CACNA2D1: variants seen among roughly 807,000 people sequenced by gnomAD.
The protein encoded by CACNA2D1 is calcium voltage-gated channel auxiliary subunit alpha2delta 1, also known as voltage-dependent calcium channel subunit alpha-2/delta-1.
Under a neutral mutation model 171.5 loss-of-function variants are expected in CACNA2D1, and 53 were observed. The ratio of observed to expected loss-of-function variants is 0.31; its 90% CI spans 0.25 to 0.39. The LOEUF (loss-of-function observed/expected upper bound fraction) is 0.39, where lower values mean the gene tolerates loss of function less well. Ranked by LOEUF, CACNA2D1 falls within the 10% of genes least tolerant of loss-of-function variation. CACNA2D1 has a pLI of 1.00. For missense variants in CACNA2D1, 903 were observed against 1,299.8 expected, an observed-to-expected ratio of 0.69 and a Z score of 4.69; for synonymous variants, 442 against 443.1, an observed-to-expected ratio of 1.00 and a Z score of 0.03.
intron 1 of CACNA2D1, among the ~76,000 whole-genome samples, chr7:82,388,266 A>ATG (rs1824657432): frequency 1.3e-5 from 2 of 152,174 alleles, no homozygotes; most frequent in Non-Finnish European, 2.9e-5. Context: ...TATATTTCAC[A>ATG]ATCAAAGGAG....
chr7:82,410,614 G>A, intron 1 of CACNA2D1: 1 of 633,470 alleles, frequency 1.6e-6, no homozygotes, highest in Non-Finnish European at 2.0e-6. Context: ...GAGGCAGACT[G>A]CAAGAGAGAA....
chr7:82,443,829 C>T (rs1456386577), upstream of CACNA2D1: 3 of 425,168 alleles, frequency 7.1e-6, no homozygotes, highest in Admixed American at 6.1e-5. Context: ...GAGGCGAAGG[C>T]GGAGGCGGGG....
At chr7:82,357,862 A>T (rs888190348) in intron 1 of CACNA2D1, among the ~76,000 whole-genome samples, 9 of 115,682 alleles carry the variant, frequency 7.8e-5, no homozygotes, top group Non-Finnish European at 1.3e-4. Context: ...AAAGTATAAT[A>T]AAAAAAAAAA....
chr7:82,055,930 G>A (rs200349236), intron 10 of CACNA2D1, among the ~76,000 whole-genome samples: 46 of 111,450 alleles, frequency 4.1e-4, no homozygotes, highest in African/African-American at 1.2e-3. Flanking sequence ...GTGTGTGTGT[G>A]TATATATATA....
intron 29 of CACNA2D1, among the ~76,000 whole-genome samples, 161 bp from the exon 30 acceptor site, chr7:81,967,824 C>G (rs1022512982): frequency 6.6e-6 from 1 of 151,448 alleles, no homozygotes; most frequent in Non-Finnish European, 1.5e-5. Context: ...TAAACTATTA[C>G]ATAAATTGTA....
intron 3 of CACNA2D1, among the ~76,000 whole-genome samples, chr7:82,334,878 G>A (rs890534994): frequency 4.0e-5 from 6 of 151,722 alleles, no homozygotes; most frequent in African/African-American, 1.5e-4. Context: ...TATGTATCAT[G>A]ATGTACATGT....
At chr7:82,144,328 T>C (rs1792737480) in intron 4 of CACNA2D1, among the ~76,000 whole-genome samples, 1 of 152,108 alleles carries the variant, frequency 6.6e-6, no homozygotes, top group Non-Finnish European at 1.5e-5. Context: ...TAATTTTTAT[T>C]TGTAGCTTTA....
chr7:82,434,516 A>T (rs1239746336), intron 1 of CACNA2D1, among the ~76,000 whole-genome samples: 3 of 150,134 alleles, frequency 2.0e-5, no homozygotes, highest in African/African-American at 7.4e-5. Flanking sequence ...TGATCCTCTC[A>T]CTCCTCCCAC....
At chr7:82,367,163 G>A (rs940487737) in intron 1 of CACNA2D1, among the ~76,000 whole-genome samples, 3 of 151,908 alleles carry the variant, frequency 2.0e-5, no homozygotes, top group Non-Finnish European at 4.4e-5. Flanking sequence ...TTCCACCTCA[G>A]CCTCCCAAAG....
intron 12 of CACNA2D1, chr7:82,028,767 A>C (rs971220450): frequency 2.0e-5 from 3 of 151,872 alleles, no homozygotes; most frequent in African/African-American, 7.2e-5. Context: ...AGAGAACTAG[A>C]AGTGGACACT....
intron 3 of CACNA2D1, among the ~76,000 whole-genome samples, chr7:82,263,675 A>G (rs370836597): frequency 6.6e-6 from 1 of 152,224 alleles, no homozygotes; most frequent in Admixed American, 6.5e-5. Flanking sequence ...AGGTATAGAT[A>G]TACTTTTGTT....
intron 7 of CACNA2D1, among the ~76,000 whole-genome samples, chr7:82,074,389 G>T (rs1808703926): frequency 6.6e-6 from 1 of 151,960 alleles, no homozygotes; most frequent in African/African-American, 2.4e-5. Flanking sequence ...CATTACGCCT[G>T]GCTAATTTTT....
chr7:82,352,448 T>C (rs888952663), intron 1 of CACNA2D1, among the ~76,000 whole-genome samples: 1 of 152,040 alleles, frequency 6.6e-6, no homozygotes, highest in Admixed American at 6.6e-5. Flanking sequence ...ACTATAAAAT[T>C]TGGGGGAAAT....
At chr7:82,159,475 C>A (rs1224433850) in intron 4 of CACNA2D1, among the ~76,000 whole-genome samples, 2 of 151,686 alleles carry the variant, frequency 1.3e-5, no homozygotes, top group East Asian at 1.9e-4. Context: ...TTCAGGAATC[C>A]GTCCATATCC....
intron 33 of CACNA2D1, 39 bp from the exon 34 acceptor site, chr7:81,964,147 T>C (rs890360772): frequency 3.7e-6 from 6 of 1,606,552 alleles, no homozygotes; most frequent in Non-Finnish European, 4.3e-6. Flanking sequence ...AGTAGTCTAC[T>C]TGATACTGAG....
rs557968638 is a variant in CACNA2D1, at chr7:82,405,640, A to T, written c.95+37725T>A. ...TACATAATATATGTACTTACATATTAAAAAAATGCAAATTATCATGACTGT... is the reference window on the plus strand; with the variant it reads ...TACATAATATATGTACTTACATATTTAAAAAATGCAAATTATCATGACTGT... On this transcript the variant is annotated intron_variant, in intron 1 of 38. Transcript: ENST00000356860. Among the ~76,000 whole-genome samples the T allele has an allele frequency of 1.6e-4, 25 of 152,256 alleles. No individual in the cohort carries two copies. The South Asian group carries it at 2.7e-3, about 16-fold the overall frequency.
intron 10 of CACNA2D1, chr7:82,051,129 CTT>C (rs10570936): frequency 0.1 from 16,063 of 156,840 alleles, 952 homozygotes; most frequent in Middle Eastern, 0.19. Flanking sequence ...GAAGCAAAGA[CTT>C]TTACAATCTT....
intron 3 of CACNA2D1, among the ~76,000 whole-genome samples, chr7:82,209,436 A>T (rs1306422239): frequency 6.6e-6 from 1 of 152,194 alleles, no homozygotes; most frequent in African/African-American, 2.4e-5. Flanking sequence ...AAAGAGAGCC[A>T]CAATAGACCT....
chr7:82,361,106 C>T (rs56037013), intron 1 of CACNA2D1, among the ~76,000 whole-genome samples: 13,471 of 152,178 alleles, frequency 0.089, 651 homozygotes, highest in Admixed American at 0.13. Flanking sequence ...TCACAGAACA[C>T]GGTTCTCTTT....
Sources: gnomAD v4.1 joint callset for allele counts (sites outside exome capture counted in the v4.1 genomes callset) on GRCh38, gnomAD v4.1.1 for gene constraint, MANE v1.5 for transcripts, NCBI Gene and HGNC (gene_info 2026-07-23, HGNC 2026-07-21) for gene names.